Variants in DNASE1 observed in about 807,000 individuals in gnomAD.
The protein encoded by DNASE1 is deoxyribonuclease-1.
In DNASE1, 40 loss-of-function variants were observed where a neutral mutation model predicts 33.9. The ratio of observed to expected loss-of-function variants is 1.18; its 90% CI spans 0.92 to 1.54. The LOEUF is 1.54. Ranked by LOEUF, DNASE1 falls within the 40% of genes most tolerant of loss-of-function variation. The probability of loss-of-function intolerance (pLI) is 0.00; values close to 1 mark genes in which losing one functional copy is unlikely to be tolerated. For synonymous variants in DNASE1, 216 were observed against 160.0 expected (o/e 1.35, Z -2.64); for missense variants, 518 against 372.6 (o/e 1.39, Z -3.21).
intron 2 of DNASE1, 74 bp downstream of exon 2, chr16:3,655,594 A>C: frequency 2.5e-6 from 4 of 1,604,914 alleles, no homozygotes; most frequent in African/African-American, 1.3e-5. Flanking sequence ...GGCCAGCCCT[A>C]TGGAGCCACA....
chr16:3,653,826 A>AAAAAAAAAACAAAAAAAAC (rs2042428375), upstream of DNASE1: 1 of 144,908 alleles, frequency 6.9e-6, no homozygotes, highest in African/African-American at 2.6e-5. Context: ...AAAAAAAAAA[A>AAAAAAAAAACAAAAAAAAC]AAAAAAAAAA....
At chr16:3,615,356 A>G (rs1309510998) in intron 1 of DNASE1, among the ~76,000 whole-genome samples, 2 of 152,200 alleles carry the variant, frequency 1.3e-5, no homozygotes, top group South Asian at 4.1e-4. Flanking sequence ...AAGGTGAACA[A>G]TGGCAGCCAC....
intron 1 of DNASE1, among the ~76,000 whole-genome samples, chr16:3,635,708 GTT>G (rs544957481): frequency 1.4e-5 from 2 of 143,328 alleles, no homozygotes; most frequent in Admixed American, 7.0e-5. Context: ...GGTTAATAGG[GTT>G]TTTTTTTTTT....
chr16:3,658,859 C>A (rs778200463), downstream of DNASE1: 1 of 1,613,984 alleles, frequency 6.2e-7, no homozygotes, highest in South Asian at 1.1e-5. Flanking sequence ...TCTTGATGAG[C>A]GCGTGCCTGC....
At chr16:3,663,442 ACTT>A in exon 10 of DNASE1, 1 of 1,613,922 alleles carries the variant, frequency 6.2e-7, no homozygotes, top group Non-Finnish European at 8.5e-7. Flanking sequence ...CTGTCCTCAA[ACTT>A]CTCCTCCTTG....
exon 10 of DNASE1, chr16:3,663,364 C>A: frequency 6.2e-7 from 1 of 1,604,274 alleles, no homozygotes; most frequent in East Asian, 2.2e-5. Flanking sequence ...CGCTGCGGGG[C>A]AGGAGAGGCG....
At chr16:3,661,613 G>A (rs939590615), downstream of DNASE1, 3 of 206,784 alleles carry the variant, frequency 1.5e-5, no homozygotes, top group Non-Finnish European at 2.9e-5. Flanking sequence ...CAGCCCCTCT[G>A]CATGGGCAAC....
intron 1 of DNASE1, 88 bp from the exon 2 acceptor site, chr16:3,655,285 C>G (rs2042525883): frequency 6.3e-7 from 1 of 1,580,200 alleles, no homozygotes; most frequent in Non-Finnish European, 8.6e-7. Flanking sequence ...TCCACCAGCC[C>G]CTGCCAGCTG....
chr16:3,620,862 G>T (rs1448637691), intron 1 of DNASE1, among the ~76,000 whole-genome samples: 2 of 151,866 alleles, frequency 1.3e-5, no homozygotes, highest in African/African-American at 4.8e-5. Flanking sequence ...GTGCAGTGGC[G>T]CAATGCCGGC....
upstream of DNASE1, among the ~76,000 whole-genome samples, chr16:3,650,426 C>T (rs898529799): frequency 2.0e-5 from 3 of 152,086 alleles, no homozygotes; most frequent in African/African-American, 7.2e-5. Context: ...AAAGATGATG[C>T]AGGATATACG....
intron 1 of DNASE1, among the ~76,000 whole-genome samples, chr16:3,623,228 T>C (rs184668791): frequency 1.3e-5 from 2 of 152,158 alleles, no homozygotes; most frequent in Non-Finnish European, 2.9e-5. Flanking sequence ...AGTTGACAAA[T>C]ATGCAGTGGG....
chr16:3,627,602 A>G (rs1241148653), intron 1 of DNASE1, among the ~76,000 whole-genome samples: 3 of 152,116 alleles, frequency 2.0e-5, no homozygotes, highest in Non-Finnish European at 2.9e-5. Context: ...TGACTTTGAT[A>G]TGATATCCAT....
intron 1 of DNASE1, among the ~76,000 whole-genome samples, chr16:3,625,578 G>C (rs554986799): frequency 2.0e-5 from 3 of 151,806 alleles, no homozygotes; most frequent in African/African-American, 7.3e-5. Context: ...AATCATAATC[G>C]CCTTTCTGCA....
At chr16:3,625,787 C>A (rs2041489815) in intron 1 of DNASE1, among the ~76,000 whole-genome samples, 1 of 152,088 alleles carries the variant, frequency 6.6e-6, no homozygotes, top group African/African-American at 2.4e-5. Context: ...AATTAAGAAC[C>A]TTTATAAGGC....
chr16:3,622,820 C>T lies in DNASE1; in HGVS notation c.-1359+10814C>T, dbSNP rs140602874. 2.5e-3 allele frequency among the ~76,000 whole-genome samples: 380 copies of T among 152,244 alleles called. 4 individuals are homozygous for T. Among genetic ancestry groups the T allele is most frequent in the African/African-American group, 8.3e-3 (343 of 41,550 alleles). ...AGTTTTTTGTAGTAAAATAACTTTT[C>T]TTGTATGCACATACCTTCTTCCAGT... On this transcript the variant is annotated intron_variant and NMD_transcript_variant, in intron 1 of 11. Coordinates refer to the DNASE1 transcript ENST00000570769.
At chr16:3,631,026 A>G (rs1385354236) in intron 1 of DNASE1, among the ~76,000 whole-genome samples, 1 of 151,696 alleles carries the variant, frequency 6.6e-6, no homozygotes, top group Non-Finnish European at 1.5e-5. Context: ...ATAGGATTTT[A>G]TTTATTTATT....
chr16:3,657,909 C>G lies in DNASE1; in HGVS notation c.805C>G (p.Gln269Glu). The change falls in exon 9 of 9, where the codon CAA (glutamine) becomes GAA (glutamate). Residue 269 changes from glutamine to glutamate, a missense_variant. By Grantham distance (29) the Gln-to-Glu change is conservative. Coordinates refer to ENST00000246949, the MANE Select transcript of DNASE1 (RefSeq NM_005223.4). ...AAYGLSDQLA[Q>E]AISDHYPVEV... ...CCCTGTGCCCACTTGCCTGCAGGCCCAAGCCATCAGTGACCACTATCCAGT... is the reference window on the plus strand; with the variant it reads ...CCCTGTGCCCACTTGCCTGCAGGCCGAAGCCATCAGTGACCACTATCCAGT... 1.2e-6 allele frequency: 2 copies of G among 1,614,002 alleles called. No individual in the cohort carries two copies. The highest frequency in any genetic ancestry group is 1.7e-6 in the Non-Finnish European group (2 of 1,179,998).
downstream of DNASE1, chr16:3,658,935 G>GATTATCAGGATATTTAAAGAAGCAC: frequency 6.7e-7 from 1 of 1,502,534 alleles, no homozygotes; most frequent in Non-Finnish European, 9.2e-7. Context: ...CATGTTTTGG[G>GATTATCAGGATATTTAAAGAAGCAC]ATTATCAGGA....
chr16:3,656,024 G>A (rs2042582815), intron 3 of DNASE1, 78 bp from the exon 4 acceptor site: 11 of 1,610,442 alleles, frequency 6.8e-6, no homozygotes, highest in Non-Finnish European at 8.5e-6. Context: ...GTGGGGACCT[G>A]GGCACAGCCT....
Sources: gnomAD v4.1 joint callset for allele counts (sites outside exome capture counted in the v4.1 genomes callset) on GRCh38, gnomAD v4.1.1 for gene constraint, MANE v1.5 for transcripts, NCBI Gene and HGNC (gene_info 2026-07-23, HGNC 2026-07-21) for gene names.